The following NRXN1 variants were observed in gnomAD, a reference collection of about 807,000 sequenced individuals.
The protein encoded by NRXN1 is neurexin 1, also known as neurexin-1.
NRXN1 carries 39 observed loss-of-function variants against 150.9 expected under a neutral mutation model. The ratio of observed to expected loss-of-function variants is 0.26; its 90% CI spans 0.20 to 0.34. NRXN1 has a LOEUF of 0.34. Among genes scored for constraint, NRXN1 ranks in the 10% least tolerant of loss-of-function variants. NRXN1 has a pLI of 1.00. For synonymous variants in NRXN1, 924 were observed against 757.0 expected (o/e 1.22, Z -3.62); for missense variants, 1,815 against 1,949.9 (o/e 0.93, Z 1.30).
At chr2:50,839,037 GT>G (rs1672494855) in intron 5 of NRXN1, among the ~76,000 whole-genome samples, 1 of 152,092 alleles carries the variant, frequency 6.6e-6, no homozygotes, top group Non-Finnish European at 1.5e-5. Flanking sequence ...TTGACTTTAA[GT>G]TTAGGCCTGT....
At chr2:50,726,358 T>C (rs1178943377) in intron 5 of NRXN1, among the ~76,000 whole-genome samples, 2 of 152,218 alleles carry the variant, frequency 1.3e-5, no homozygotes, top group African/African-American at 4.8e-5. Flanking sequence ...ATAATAGTAA[T>C]AACCTTAGCT....
chr2:51,026,607 TC>T (rs1474819404), intron 2 of NRXN1: 2 of 645,672 alleles, frequency 3.1e-6, no homozygotes, highest in East Asian at 5.5e-5. Flanking sequence ...CCTTAGAAAA[TC>T]TCTTGCAATC....
intron 19 of NRXN1, among the ~76,000 whole-genome samples, chr2:50,071,357 C>A (rs898548967): frequency 2.0e-5 from 3 of 152,128 alleles, no homozygotes; most frequent in Non-Finnish European, 4.4e-5. Context: ...AAGCCTTAAC[C>A]CCTAAGACCT....
intron 18 of NRXN1, among the ~76,000 whole-genome samples, chr2:50,217,745 C>G (rs1444240253): frequency 6.6e-6 from 1 of 152,008 alleles, no homozygotes; most frequent in Non-Finnish European, 1.5e-5. Flanking sequence ...AACTTAACAG[C>G]AAAGCTTTAG....
In NRXN1 at chr2:50,234,415, A is replaced by T. The variant is rs1385758942; in HGVS notation, c.3546+2374T>A. Among the ~76,000 whole-genome samples, 3 of 151,994 alleles carry T rather than the reference A, an allele frequency of 2.0e-5. No individual in the cohort carries two copies. The East Asian group carries it at 5.8e-4, about 29-fold the overall frequency. On this transcript the variant is annotated intron_variant, in intron 18 of 22. Coordinates refer to ENST00000401669, the MANE Select transcript of NRXN1 (RefSeq NM_001330078.2). ...AGGCTGAGGCAGGAGAATAGCTTGAACCCAGGAGGCAAAGGTTGCAGTGAA... is the reference window on the plus strand; with the variant it reads ...AGGCTGAGGCAGGAGAATAGCTTGATCCCAGGAGGCAAAGGTTGCAGTGAA...
chr2:50,529,184 C>T (rs1171539064), intron 11 of NRXN1, among the ~76,000 whole-genome samples: 3 of 152,114 alleles, frequency 2.0e-5, no homozygotes, highest in African/African-American at 7.2e-5. Context: ...ATTTTATTTG[C>T]TTGGGCATAA....
At chr2:50,134,972 C>A (rs139293326) in intron 18 of NRXN1, among the ~76,000 whole-genome samples, 1 of 152,306 alleles carries the variant, frequency 6.6e-6, no homozygotes, top group East Asian at 1.9e-4. Context: ...TCCACTGCCT[C>A]TTTCTTGTTC....
At chr2:50,222,104 A>G (rs906099693) in intron 18 of NRXN1, among the ~76,000 whole-genome samples, 1 of 152,002 alleles carries the variant, frequency 6.6e-6, no homozygotes, top group African/African-American at 2.4e-5. Flanking sequence ...CTCTGAAATG[A>G]GTACTGCTAC....
intron 18 of NRXN1, among the ~76,000 whole-genome samples, chr2:50,200,072 A>AT (rs747340179): frequency 2.6e-5 from 4 of 152,032 alleles, no homozygotes; most frequent in Non-Finnish European, 4.4e-5. Flanking sequence ...TTTATTTTTC[A>AT]TTTTTATTAC....
intron 17 of NRXN1, among the ~76,000 whole-genome samples, chr2:50,364,661 C>G (rs1389756130): frequency 1.3e-5 from 2 of 151,980 alleles, no homozygotes; most frequent in Non-Finnish European, 2.9e-5. Flanking sequence ...CTCCTTTCAA[C>G]TATTATTTAT....
At chr2:50,330,516 C>T (rs1049303317) in intron 17 of NRXN1, among the ~76,000 whole-genome samples, 23 of 152,086 alleles carry the variant, frequency 1.5e-4, no homozygotes, top group Non-Finnish European at 2.1e-4. Context: ...TCCTTCCTCC[C>T]AATACCTACT....
chr2:50,900,490 T>C (rs1682757667), intron 5 of NRXN1, among the ~76,000 whole-genome samples: 1 of 152,128 alleles, frequency 6.6e-6, no homozygotes, highest in African/African-American at 2.4e-5. Flanking sequence ...CCCTCTCACT[T>C]GGGTAAAATA....
chr2:50,683,767 C>T (rs1219737218), intron 5 of NRXN1, among the ~76,000 whole-genome samples: 1 of 148,396 alleles, frequency 6.7e-6, no homozygotes, highest in Non-Finnish European at 1.5e-5. Context: ...GACTGTATTA[C>T]AGCACAGTAC....
intron 15 of NRXN1, among the ~76,000 whole-genome samples, chr2:50,488,921 A>C (rs2091064499): frequency 1.3e-5 from 2 of 152,186 alleles, no homozygotes; most frequent in African/African-American, 4.8e-5. Context: ...CCAAAGGCTC[A>C]TCTCTGGATG....
At chr2:50,867,387 G>C (rs1677101556) in intron 5 of NRXN1, among the ~76,000 whole-genome samples, 1 of 151,778 alleles carries the variant, frequency 6.6e-6, no homozygotes, top group Non-Finnish European at 1.5e-5. Flanking sequence ...ATAAATGTTA[G>C]TTCACTACAG....
At chr2:50,513,449 C>G (rs1226213819) in intron 12 of NRXN1, among the ~76,000 whole-genome samples, 1 of 152,116 alleles carries the variant, frequency 6.6e-6, no homozygotes, top group Non-Finnish European at 1.5e-5. Context: ...TGAGATTTCA[C>G]AGTATTTGTG....
chr2:50,337,152 C>A (rs2077244517), intron 17 of NRXN1, among the ~76,000 whole-genome samples: 4 of 141,446 alleles, frequency 2.8e-5, no homozygotes, highest in African/African-American at 1.1e-4. Context: ...ATGGCTTGAT[C>A]TCGGCTCACT....
chr2:50,805,459 A>G (rs1036943265), intron 5 of NRXN1, among the ~76,000 whole-genome samples: 4 of 152,238 alleles, frequency 2.6e-5, no homozygotes, highest in African/African-American at 9.6e-5. Context: ...ATTCGAGACC[A>G]GCCTGGCCGA....
chr2:50,824,148 A>T (rs1670117682), intron 5 of NRXN1, among the ~76,000 whole-genome samples: 1 of 152,162 alleles, frequency 6.6e-6, no homozygotes, highest in African/African-American at 2.4e-5. Flanking sequence ...TCACACACAA[A>T]AAAGAGAAAG....
Sources: gnomAD v4.1 joint callset for allele counts (sites outside exome capture counted in the v4.1 genomes callset) on GRCh38, gnomAD v4.1.1 for gene constraint, MANE v1.5 for transcripts, NCBI Gene and HGNC (gene_info 2026-07-23, HGNC 2026-07-21) for gene names.